The following EDNRA variants were observed in gnomAD, a reference collection of about 807,000 sequenced individuals.
EDNRA encodes the protein endothelin receptor type A.
A neutral mutation model predicts 41.4 loss-of-function variants in EDNRA; 11 were observed. That is an observed-to-expected ratio of 0.27 (90% CI 0.17 to 0.44). The LOEUF is 0.44. EDNRA is among the 20% of genes least tolerant of loss of function. The probability of loss-of-function intolerance (pLI) is 1.00; values close to 1 mark genes in which losing one functional copy is unlikely to be tolerated. For missense variants in EDNRA, 294 were observed against 531.0 expected (o/e 0.55, Z 4.39); for synonymous variants, 172 against 183.0 (o/e 0.94, Z 0.49).
intron 2 of EDNRA, among the ~76,000 whole-genome samples, chr4:147,501,671 C>T (rs1443448716): frequency 6.6e-6 from 1 of 152,210 alleles, no homozygotes; most frequent in Non-Finnish European, 1.5e-5. Context: ...ATTGACAGTA[C>T]ATCCTGGAGA....
chr4:147,512,490 A>G (rs1324745416), intron 2 of EDNRA, among the ~76,000 whole-genome samples: 1 of 152,232 alleles, frequency 6.6e-6, no homozygotes, highest in Non-Finnish European at 1.5e-5. Flanking sequence ...GAGTAGCAAC[A>G]ATTCCATCTC....
chr4:147,507,793 A>G (rs1293386128), intron 2 of EDNRA, among the ~76,000 whole-genome samples: 1 of 152,330 alleles, frequency 6.6e-6, no homozygotes, highest in East Asian at 1.9e-4. Context: ...TAATTTCTCC[A>G]CATCCTCACC....
At chr4:147,508,416 G>A (rs1729802209) in intron 2 of EDNRA, among the ~76,000 whole-genome samples, 1 of 152,164 alleles carries the variant, frequency 6.6e-6, no homozygotes, top group South Asian at 2.1e-4. Flanking sequence ...TGGGATTACA[G>A]GCATGAGCCA....
At chr4:147,481,398 C>T (rs994917258) in intron 1 of EDNRA, 22 bp downstream of exon 1, 1 of 152,382 alleles carries the variant, frequency 6.6e-6, no homozygotes, top group African/African-American at 2.4e-5. Context: ...TCTTTCTTAT[C>T]GGGGACTGGG....
chr4:147,534,997 G>A (rs996626420), intron 4 of EDNRA, among the ~76,000 whole-genome samples: 2 of 152,062 alleles, frequency 1.3e-5, no homozygotes, highest in Non-Finnish European at 2.9e-5. Flanking sequence ...ATTTTTTACA[G>A]AGCAACATGA....
chr4:147,485,674 G>C lies in EDNRA; in HGVS notation c.-8G>C, dbSNP rs1055916728. The C allele has an allele frequency of 1.3e-6, 2 of 1,572,656 alleles. No individual in the cohort carries two copies. Among genetic ancestry groups the C allele is most frequent in the African/African-American group, 2.7e-5 (2 of 73,672 alleles). On this transcript the variant is annotated 5_prime_UTR_variant, in exon 2 of 8. Transcript: ENST00000651419. ...CAATAAGAGATATTTCCTCAAATTT[G>C]CCTCAAGATGGAAACCCTTTGCCTC...
At position 147,543,442 on chromosome 4, in the gene EDNRA, A is replaced by T. The variant is rs1484872225; in HGVS notation, c.*824A>T. 6.6e-6 allele frequency: 1 copy of T among 152,188 alleles called. No individual in the cohort carries two copies. Among genetic ancestry groups the T allele is most frequent in the Non-Finnish European group, 1.5e-5 (1 of 68,036 alleles). The allele number at this position is 152,188 out of a possible 1,614,324, so 9.4% of individuals were successfully genotyped here. ...AATTCAAAAGTAATGCTTCAATCAG[A>T]TAGTTCTTTTTCACAAGTTCAATCT... is the stretch of plus-strand genomic sequence containing the variant. On this transcript the variant is annotated 3_prime_UTR_variant, in exon 8 of 8. Transcript: ENST00000651419.
At chr4:147,489,925 A>C (rs1289139724) in intron 2 of EDNRA, 1 of 152,072 alleles carries the variant, frequency 6.6e-6, no homozygotes, top group Non-Finnish European at 1.5e-5. Context: ...CCCAAAATGC[A>C]TGGCTCAGCT....
intron 2 of EDNRA, among the ~76,000 whole-genome samples, chr4:147,518,400 G>A (rs950592247): frequency 1.3e-5 from 2 of 152,158 alleles, no homozygotes; most frequent in African/African-American, 4.8e-5. Context: ...GACACCAATC[G>A]AGACTGTTTA....
At chr4:147,507,313 A>C (rs143177640) in intron 2 of EDNRA, among the ~76,000 whole-genome samples, 1 of 152,336 alleles carries the variant, frequency 6.6e-6, no homozygotes, top group African/African-American at 2.4e-5. Flanking sequence ...TGAGTGGTCA[A>C]ACCAACCATG....
In EDNRA at chr4:147,486,168, TG is replaced by T. The variant is rs1008661337; in HGVS notation, c.420+68del. 6.6e-6 allele frequency: 10 copies of T among 1,514,102 alleles called. No homozygotes were observed. The African/African-American group carries it at 1.3e-4, about 19-fold the overall frequency. 93.8% of individuals were successfully genotyped at this position (1,514,102 alleles called of 1,614,324 possible). ...GCTCTGATTCCACGTGGAGAGTTGC[TG>T]CAGACTTTTCTGACCTTTGGAATTT... On this transcript the variant is annotated intron_variant, in intron 2 of 7. Transcript: ENST00000651419. The surrounding 1 kb of genome is among the most constrained non-coding windows in gnomAD (Gnocchi z 4.3).
chr4:147,544,040 ACTGT>A lies in EDNRA; in HGVS notation c.*1425_*1428del, dbSNP rs371804994. The A allele has an allele frequency of 9.2e-5, 14 of 152,054 alleles. No individual in the cohort carries two copies. Among genetic ancestry groups the A allele is most frequent in the Admixed American group, 3.3e-4 (5 of 15,198 alleles). The allele number at this position is 152,054 out of a possible 1,614,324, so 9.4% of individuals were successfully genotyped here. A position where few individuals can be genotyped will look rare whatever the true frequency, so the allele number is the denominator to read the frequency against. On this transcript the variant is annotated 3_prime_UTR_variant, in exon 8 of 8. Coordinates refer to ENST00000651419, the MANE Select transcript of EDNRA (RefSeq NM_001957.4). ...AATTTCTTTTAGCCCATTTTTCTAGACTGTCTCTGTGGAATATATTTGTGTGTGT... is the reference window on the plus strand; with the variant it reads ...AATTTCTTTTAGCCCATTTTTCTAGACTCTGTGGAATATATTTGTGTGTGT...
intron 2 of EDNRA, among the ~76,000 whole-genome samples, chr4:147,510,647 T>G (rs1266783772): frequency 6.6e-6 from 1 of 152,188 alleles, no homozygotes; most frequent in African/African-American, 2.4e-5. Context: ...ACTGGGCAAA[T>G]TTACTATACA....
intron 2 of EDNRA, chr4:147,493,378 T>A (rs1360904472): frequency 6.6e-6 from 1 of 152,096 alleles, no homozygotes; most frequent in Non-Finnish European, 1.5e-5. Context: ...GTCTTATGAG[T>A]TGCTTGATTA....
At chr4:147,542,403 T>C in intron 7 of EDNRA, 75 bp from the exon 8 acceptor site, 1 of 1,587,408 alleles carries the variant, frequency 6.3e-7, no homozygotes, top group Middle Eastern at 1.8e-4. Flanking sequence ...CTCATTAGCA[T>C]GGCCCAGGGC....
intron 2 of EDNRA, among the ~76,000 whole-genome samples, chr4:147,496,760 G>C (rs1729313525): frequency 6.6e-6 from 1 of 152,160 alleles, no homozygotes. Flanking sequence ...GTTGCATTCA[G>C]TTGTAGTTCA....
At chr4:147,500,615 G>A (rs1356668674) in intron 2 of EDNRA, among the ~76,000 whole-genome samples, 2 of 152,162 alleles carry the variant, frequency 1.3e-5, no homozygotes, top group Non-Finnish European at 2.9e-5. Context: ...CTACTGGAAG[G>A]CTGAAGTGGG....
At chr4:147,483,081 A>G (rs1728827767) in intron 1 of EDNRA, among the ~76,000 whole-genome samples, 1 of 152,356 alleles carries the variant, frequency 6.6e-6, no homozygotes, top group African/African-American at 2.4e-5. Context: ...GAGGATGACA[A>G]GAAGCTTTTC....
rs1173579064 is a variant in EDNRA at position 147,532,641 on chromosome 4, C to G, written c.684C>G (p.Pro228=). 1.9e-6 allele frequency: 3 copies of G among 1,614,012 alleles called. No homozygotes were observed. The highest frequency in any genetic ancestry group is 2.7e-5 in the African/African-American group (2 of 74,896). ...AAGCGATTGGCTTCGTCATGGTACC[C>G]TTTGAATATAGGGGTGAACAGCATA... ...IPEAIGFVMV[P]FEYRGEQHKT... Residue 228 remains proline (P), a synonymous_variant, in exon 4 of 8, where the codon CCC becomes CCG. Transcript: ENST00000651419.
Sources: allele counts gnomAD v4.1 joint callset (sites outside exome capture counted in the v4.1 genomes callset), GRCh38; gene constraint gnomAD v4.1.1; non-coding constraint Gnocchi (gnomAD v3.1); transcripts MANE v1.5; gene names NCBI Gene and HGNC (gene_info 2026-07-23, HGNC 2026-07-21).